C8orf34: variants seen among roughly 807,000 people sequenced by gnomAD.
The protein encoded by C8orf34 is uncharacterized protein C8orf34.
Under a neutral mutation model 68.3 loss-of-function variants are expected in C8orf34, and 65 were observed. The ratio of observed to expected loss-of-function variants is 0.95; its 90% CI spans 0.78 to 1.17. The LOEUF (loss-of-function observed/expected upper bound fraction) is 1.17, where lower values mean the gene tolerates loss of function less well. Ranked by LOEUF, C8orf34 falls within the 50% of genes most tolerant of loss-of-function variation. The pLI is 0.00. For missense variants in C8orf34, 664 were observed against 655.4 expected (o/e 1.01, Z -0.14); for synonymous variants, 244 against 241.2 (o/e 1.01, Z -0.11).
chr8:68,744,659 T>C (rs1186567634), intron 10 of C8orf34, among the ~76,000 whole-genome samples: 2 of 151,648 alleles, frequency 1.3e-5, no homozygotes, highest in Non-Finnish European at 2.9e-5. Context: ...ATGAATGAAA[T>C]GAAGTGAGAA....
At chr8:68,636,075 T>C (rs1818832169) in intron 7 of C8orf34, among the ~76,000 whole-genome samples, 1 of 152,134 alleles carries the variant, frequency 6.6e-6, no homozygotes, top group African/African-American at 2.4e-5. Flanking sequence ...TTGAATATGT[T>C]CTGATTGGAA....
rs532487931 is a variant in C8orf34 at position 68,752,727 on chromosome 8, G to A, written c.1405-23672G>A. ...GTGTCCTTCGAGAGTTTTCCATAGG[G>A]TTGTGTATATAATGGGTGACTGGTA... On this transcript the variant is annotated intron_variant, in intron 10 of 13. Transcript: ENST00000518698. Among the ~76,000 whole-genome samples, 31 of 152,268 alleles carry A rather than the reference G, an allele frequency of 2.0e-4. No individual in the cohort carries two copies. The South Asian group carries it at 5.8e-3, about 29-fold the overall frequency.
intron 3 of C8orf34, among the ~76,000 whole-genome samples, chr8:68,458,103 G>C (rs1484749296): frequency 6.6e-6 from 1 of 152,090 alleles, no homozygotes; most frequent in Non-Finnish European, 1.5e-5. Flanking sequence ...CCCATGATAA[G>C]TTAGGCAAGA....
At chr8:68,393,415 G>A (rs1270587265) in intron 1 of C8orf34, among the ~76,000 whole-genome samples, 1 of 152,092 alleles carries the variant, frequency 6.6e-6, no homozygotes, top group Non-Finnish European at 1.5e-5. Context: ...ACAGGAATGT[G>A]AACAGATCAG....
At chr8:68,709,133 A>T in intron 9 of C8orf34, 54 bp downstream of exon 9, 1 of 1,358,944 alleles carries the variant, frequency 7.4e-7, no homozygotes, top group Non-Finnish European at 1.0e-6. Context: ...CTTAAAGATT[A>T]AAGAAGTAAA....
chr8:68,358,035 C>T (rs1007357524), intron 1 of C8orf34, among the ~76,000 whole-genome samples: 2 of 152,054 alleles, frequency 1.3e-5, no homozygotes, highest in African/African-American at 4.8e-5. Context: ...TTTATTTATG[C>T]TATTTGAACG....
chr8:68,419,569 G>A (rs898758107), intron 1 of C8orf34, among the ~76,000 whole-genome samples: 4 of 151,616 alleles, frequency 2.6e-5, no homozygotes, highest in Non-Finnish European at 5.9e-5. Context: ...CAAAGACTTG[G>A]AACCAACCCA....
intron 2 of C8orf34, among the ~76,000 whole-genome samples, chr8:68,441,217 T>C (rs1810897168): frequency 6.6e-6 from 1 of 152,142 alleles, no homozygotes; most frequent in African/African-American, 2.4e-5. Context: ...AATCAAGGTG[T>C]TGGCTGGGTT....
At chr8:68,795,420 A>C (rs79009815) in intron 12 of C8orf34, among the ~76,000 whole-genome samples, 14,351 of 151,836 alleles carry the variant, frequency 0.095, 758 homozygotes, top group Non-Finnish European at 0.12. Flanking sequence ...TGGACATGTA[A>C]TATAACATAA....
intron 3 of C8orf34, among the ~76,000 whole-genome samples, chr8:68,468,455 T>C (rs1586203208): frequency 6.6e-6 from 1 of 152,090 alleles, no homozygotes; most frequent in East Asian, 1.9e-4. Context: ...AGTTAATACC[T>C]GAATTTTCTT....
intron 12 of C8orf34, chr8:68,790,731 G>C: frequency 1.8e-6 from 1 of 550,796 alleles, no homozygotes; most frequent in Non-Finnish European, 3.2e-6. Context: ...ATTATGGTCT[G>C]AAGTCACTAA....
chr8:68,685,886 A>G (rs957931230), intron 8 of C8orf34, among the ~76,000 whole-genome samples: 3 of 102,252 alleles, frequency 2.9e-5, no homozygotes, highest in African/African-American at 1.0e-4. Context: ...CAGTAAATAA[A>G]TAAATAAATA....
Position 68,368,953 on chromosome 8 carries a change from T to C in C8orf34, c.327+37614T>C, listed in dbSNP as rs138319418. On this transcript the variant is annotated intron_variant, in intron 1 of 13. Coordinates refer to ENST00000518698, the MANE Select transcript of C8orf34 (RefSeq NM_052958.4). ...TTGTTATCCCAGAAATAGTAAGATG[T>C]ATATGTAACTTAAAATCTGAAGTTG... Among the ~76,000 whole-genome samples the C allele has an allele frequency of 2.1e-3, 315 of 152,330 alleles. 2 individuals carry two copies. Among genetic ancestry groups the C allele is most frequent in the African/African-American group, 6.8e-3 (284 of 41,580 alleles).
intron 1 of C8orf34, among the ~76,000 whole-genome samples, chr8:68,408,596 T>C (rs911403350): frequency 1.3e-5 from 2 of 152,150 alleles, no homozygotes; most frequent in Non-Finnish European, 2.9e-5. Flanking sequence ...TTTCTGGTTG[T>C]CCATTCATAA....
At chr8:68,398,993 T>C (rs971911363) in intron 1 of C8orf34, among the ~76,000 whole-genome samples, 1 of 152,130 alleles carries the variant, frequency 6.6e-6, no homozygotes, top group African/African-American at 2.4e-5. Flanking sequence ...TTGAAATTCC[T>C]AATCATTTTC....
intron 10 of C8orf34, among the ~76,000 whole-genome samples, chr8:68,743,569 G>A (rs1052006946): frequency 5.9e-5 from 9 of 152,212 alleles, no homozygotes; most frequent in African/African-American, 9.6e-5. Context: ...TGCCTCACTC[G>A]GGAAGCGCAA....
intron 1 of C8orf34, chr8:68,438,189 A>C (rs936798706): frequency 2.6e-5 from 4 of 152,152 alleles, no homozygotes; most frequent in Admixed American, 6.6e-5. Flanking sequence ...TAGGCCCTAC[A>C]GAGAAAACTG....
intron 2 of C8orf34, among the ~76,000 whole-genome samples, chr8:68,445,604 G>A (rs187425579): frequency 1.3e-5 from 2 of 152,118 alleles, no homozygotes; most frequent in Non-Finnish European, 2.9e-5. Context: ...TTTCTTGCAA[G>A]AGAAGATAAA....
chr8:68,346,845 C>A (rs1249685431), intron 1 of C8orf34, among the ~76,000 whole-genome samples: 1 of 152,020 alleles, frequency 6.6e-6, no homozygotes, highest in African/African-American at 2.4e-5. Context: ...CATTTCCCTG[C>A]TGAATGAAGG....
Sources: allele counts gnomAD v4.1 joint callset (sites outside exome capture counted in the v4.1 genomes callset), GRCh38; gene constraint gnomAD v4.1.1; transcripts MANE v1.5; gene names NCBI Gene and HGNC (gene_info 2026-07-23, HGNC 2026-07-21).